The following PPP1R9A variants were observed in gnomAD, a reference collection of about 807,000 sequenced individuals.
The protein encoded by PPP1R9A is protein phosphatase 1 regulatory subunit 9A.
Under a neutral mutation model 141.9 loss-of-function variants are expected in PPP1R9A, and 59 were observed. The ratio of observed to expected loss-of-function variants is 0.42; its 90% CI spans 0.34 to 0.52. The LOEUF (loss-of-function observed/expected upper bound fraction) is 0.52. Ranked by LOEUF, PPP1R9A falls within the 20% of genes least tolerant of loss-of-function variation. PPP1R9A has a pLI of 0.10. For synonymous variants in PPP1R9A, 500 were observed against 569.7 expected (o/e 0.88, Z 1.74); for missense variants, 1,444 against 1,611.9 (o/e 0.90, Z 1.78).
At chr7:95,257,557 G>A (rs969005364) in intron 12 of PPP1R9A, among the ~76,000 whole-genome samples, 1 of 151,538 alleles carries the variant, frequency 6.6e-6, no homozygotes, top group Non-Finnish European at 1.5e-5. Flanking sequence ...GGGTACATGT[G>A]CACAATGTGC....
At chr7:95,017,297 A>C (rs1454278458) in intron 2 of PPP1R9A, among the ~76,000 whole-genome samples, 2 of 152,212 alleles carry the variant, frequency 1.3e-5, no homozygotes, top group Non-Finnish European at 2.9e-5. Context: ...GAAATGAGAA[A>C]TAATACTGTT....
intron 2 of PPP1R9A, among the ~76,000 whole-genome samples, chr7:95,013,314 G>C (rs962737242): frequency 6.6e-5 from 10 of 152,124 alleles, no homozygotes; most frequent in African/African-American, 2.4e-4. Flanking sequence ...GTATGGTAAA[G>C]TTTAGTCAAT....
At chr7:95,279,616 A>G (rs1488742649) in intron 16 of PPP1R9A, among the ~76,000 whole-genome samples, 1 of 152,212 alleles carries the variant, frequency 6.6e-6, no homozygotes, top group Admixed American at 6.5e-5. Flanking sequence ...TCCATACTTA[A>G]AAAAGCTCTT....
intron 2 of PPP1R9A, among the ~76,000 whole-genome samples, chr7:95,045,506 C>T (rs979083445): frequency 2.6e-5 from 4 of 152,192 alleles, no homozygotes; most frequent in Non-Finnish European, 2.9e-5. Flanking sequence ...GGCTTTCTTC[C>T]CTTTTTCAGT....
At chr7:94,983,445 A>G (rs1286008940) in intron 2 of PPP1R9A, among the ~76,000 whole-genome samples, 3 of 152,066 alleles carry the variant, frequency 2.0e-5, no homozygotes, top group Non-Finnish European at 4.4e-5. Context: ...CATGATACTG[A>G]TTCTTCCTAT....
intron 2 of PPP1R9A, among the ~76,000 whole-genome samples, chr7:95,074,174 G>A (rs1404886985): frequency 1.3e-5 from 2 of 152,086 alleles, no homozygotes; most frequent in African/African-American, 2.4e-5. Flanking sequence ...GTAAACTTGT[G>A]TATGAAAAGT....
chr7:95,165,294 T>C (rs1831072490), intron 5 of PPP1R9A, among the ~76,000 whole-genome samples: 1 of 152,224 alleles, frequency 6.6e-6, no homozygotes, highest in South Asian at 2.1e-4. Context: ...TAAAAGGCAC[T>C]GTGGCTTTCA....
At chr7:95,071,124 T>C (rs186136647) in intron 2 of PPP1R9A, among the ~76,000 whole-genome samples, 10 of 152,186 alleles carry the variant, frequency 6.6e-5, no homozygotes, top group African/African-American at 1.9e-4. Flanking sequence ...TAAGTCATCA[T>C]ACTTAGAAAT....
chr7:94,911,978 T>C (rs1045963856), intron 2 of PPP1R9A, among the ~76,000 whole-genome samples: 2 of 152,174 alleles, frequency 1.3e-5, no homozygotes, highest in Non-Finnish European at 2.9e-5. Context: ...AAATCTGAGT[T>C]ATTAAGTGTA....
chr7:95,091,246 A>G (rs994532743), intron 2 of PPP1R9A, among the ~76,000 whole-genome samples: 1 of 151,408 alleles, frequency 6.6e-6, no homozygotes, highest in African/African-American at 2.4e-5. Flanking sequence ...AAAGTTTTCA[A>G]TATTTTTGTC....
chr7:95,048,063 T>G (rs1810280498), intron 2 of PPP1R9A, among the ~76,000 whole-genome samples: 1 of 152,190 alleles, frequency 6.6e-6, no homozygotes, highest in Non-Finnish European at 1.5e-5. Flanking sequence ...TTCATTATAT[T>G]TTTAATTACT....
At chr7:95,153,093 A>G (rs1829008865) in intron 4 of PPP1R9A, among the ~76,000 whole-genome samples, 2 of 151,604 alleles carry the variant, frequency 1.3e-5, no homozygotes, top group African/African-American at 2.4e-5. Context: ...CAAATGATTC[A>G]CTCACCTCAG....
chr7:95,010,143 G>A (rs570937663), intron 2 of PPP1R9A, among the ~76,000 whole-genome samples: 26 of 152,110 alleles, frequency 1.7e-4, no homozygotes, highest in Non-Finnish European at 3.1e-4. Flanking sequence ...TGTAATCCCA[G>A]CACTTTAGGG....
At chr7:95,086,665 G>A (rs1037500089) in intron 2 of PPP1R9A, among the ~76,000 whole-genome samples, 4 of 151,950 alleles carry the variant, frequency 2.6e-5, no homozygotes, top group African/African-American at 9.7e-5. Flanking sequence ...ACTAGGCCAA[G>A]CACTCTTTTG....
chr7:94,975,546 T>G (rs1452826191), intron 2 of PPP1R9A, among the ~76,000 whole-genome samples: 1 of 152,072 alleles, frequency 6.6e-6, no homozygotes, highest in Non-Finnish European at 1.5e-5. Context: ...ATGAGCTAGT[T>G]GTGTTTCAGA....
At chr7:95,174,454 T>C (rs898996358) in intron 5 of PPP1R9A, among the ~76,000 whole-genome samples, 4 of 152,152 alleles carry the variant, frequency 2.6e-5, no homozygotes, top group African/African-American at 9.6e-5. Context: ...CACAACTATG[T>C]ATACATTTAT....
Position 94,993,388 on chromosome 7 carries a change from TC to T in PPP1R9A, c.1395+81881del, listed in dbSNP as rs1227343011. On this transcript the variant is annotated intron_variant, in intron 2 of 19. Transcript: ENST00000433360. ...AGTTGTTTGGCTCCTCTAAGTATTTTCTTTTGTCTATGAATTTTAGAATTAG... is the reference window on the plus strand; with the variant it reads ...AGTTGTTTGGCTCCTCTAAGTATTTTTTTTGTCTATGAATTTTAGAATTAG... 6.6e-5 allele frequency among the ~76,000 whole-genome samples: 10 copies of T among 152,276 alleles called. No individual in the cohort carries two copies. In the South Asian group the frequency reaches 1.7e-3, roughly 25 times the overall value.
intron 7 of PPP1R9A, among the ~76,000 whole-genome samples, chr7:95,214,968 T>G (rs1792984522): frequency 6.6e-6 from 1 of 151,934 alleles, no homozygotes; most frequent in Non-Finnish European, 1.5e-5. Flanking sequence ...CAGGAAATAT[T>G]CTTTTTTTTT....
chr7:95,120,370 T>G (rs79788061), intron 3 of PPP1R9A, among the ~76,000 whole-genome samples: 9,239 of 152,286 alleles, frequency 0.061, 729 homozygotes, highest in African/African-American at 0.18. Flanking sequence ...TATGTTTGAA[T>G]ATGTGTACTC....
Sources: allele counts gnomAD v4.1 joint callset (sites outside exome capture counted in the v4.1 genomes callset), GRCh38; gene constraint gnomAD v4.1.1; transcripts MANE v1.5; gene names NCBI Gene and HGNC (gene_info 2026-07-23, HGNC 2026-07-21).